Variants in NAPA observed in about 807,000 individuals in gnomAD.
The protein encoded by NAPA is alpha-soluble NSF attachment protein.
NAPA carries 18 observed loss-of-function variants against 48.0 expected under a neutral mutation model. The ratio of observed to expected loss-of-function variants is 0.38; its 90% CI spans 0.26 to 0.56. NAPA has a LOEUF of 0.56. Ranked by LOEUF, NAPA falls within the 20% of genes least tolerant of loss-of-function variation. NAPA has a pLI of 0.77. For missense variants in NAPA, 315 were observed against 385.0 expected (o/e 0.82, Z 1.52); for synonymous variants, 152 against 149.9 (o/e 1.01, Z -0.10).
intron 3 of NAPA, among the ~76,000 whole-genome samples, chr19:47,500,131 T>G (rs1030408713): frequency 6.6e-6 from 1 of 152,218 alleles, no homozygotes; most frequent in Non-Finnish European, 1.5e-5. Flanking sequence ...TAATTTGTTC[T>G]CTGGCAACTA....
At chr19:47,499,714 G>A (rs899659930) in intron 3 of NAPA, among the ~76,000 whole-genome samples, 3 of 152,224 alleles carry the variant, frequency 2.0e-5, no homozygotes, top group Non-Finnish European at 4.4e-5. Flanking sequence ...GTCAGATCAC[G>A]ACAAAGGGGT....
intron 1 of NAPA, among the ~76,000 whole-genome samples, chr19:47,514,566 C>T (rs1167708682): frequency 6.6e-6 from 1 of 152,154 alleles, no homozygotes; most frequent in Non-Finnish European, 1.5e-5. Flanking sequence ...CCTGGGTCCC[C>T]TTCCTCGCCT....
intron 7 of NAPA, chr19:47,492,321 G>A (rs1003133411): frequency 3.6e-6 from 2 of 561,320 alleles, no homozygotes; most frequent in Non-Finnish European, 6.4e-6. Flanking sequence ...AGATCAGGGT[G>A]TGATGGTGGC....
chr19:47,495,843 G>A, intron 3 of NAPA: 2 of 531,376 alleles, frequency 3.8e-6, no homozygotes, highest in Non-Finnish European at 6.8e-6. Flanking sequence ...GCTTCTGGGG[G>A]AGCCCTTCTC....
In NAPA at chr19:47,488,078, G is replaced by T; in HGVS notation, c.*210C>A. 1 of 531,418 alleles carries T rather than the reference G, an allele frequency of 1.9e-6. No individual in the cohort carries two copies. The highest frequency in any genetic ancestry group is 3.4e-6 in the Non-Finnish European group (1 of 293,004). 32.9% of individuals were successfully genotyped at this position (531,418 alleles called of 1,614,324 possible). On this transcript the variant is annotated 3_prime_UTR_variant, in exon 11 of 11. Coordinates refer to ENST00000263354, the MANE Select transcript of NAPA (RefSeq NM_003827.4). ...GGGGGCTTAAATAAATGGACAGGGGGCAAGGGATGTAGCGAGAACAGAGGG... is the reference window on the plus strand; with the variant it reads ...GGGGGCTTAAATAAATGGACAGGGGTCAAGGGATGTAGCGAGAACAGAGGG...
intron 2 of NAPA, 113 bp downstream of exon 2, chr19:47,503,310 A>G: frequency 1.1e-6 from 1 of 929,762 alleles, no homozygotes; most frequent in Non-Finnish European, 1.8e-6. Context: ...GATGCCGGAG[A>G]GGGCATACAA....
intron 10 of NAPA, chr19:47,489,011 C>CG (rs1311883987): frequency 6.6e-6 from 1 of 152,422 alleles, no homozygotes; most frequent in Non-Finnish European, 1.5e-5. Context: ...CCATGGGACA[C>CG]GGGGGAGAGA....
intron 1 of NAPA, 82 bp downstream of exon 1, chr19:47,514,761 G>T: frequency 7.4e-7 from 1 of 1,359,130 alleles, no homozygotes; most frequent in Non-Finnish European, 1.0e-6. Context: ...CGAGCTCTGC[G>T]TGCCCTAACC....
rs1056472747 is a variant in NAPA at position 47,506,196 on chromosome 19, C to A, written c.99-2694G>T. On this transcript the variant is annotated intron_variant, in intron 1 of 10. Coordinates refer to ENST00000263354, the MANE Select transcript of NAPA (RefSeq NM_003827.4). This position sits in a 1 kb window ranked among gnomAD's most constrained non-coding sequence, Gnocchi z 4.0. ...TATTATTAGTAGAGACAGGGTTTCACCACGTTGGCCAGGCTGGTCTCGAAC... is the reference window on the plus strand; with the variant it reads ...TATTATTAGTAGAGACAGGGTTTCAACACGTTGGCCAGGCTGGTCTCGAAC... Among the ~76,000 whole-genome samples, 3 of 152,038 alleles carry A rather than the reference C, an allele frequency of 2.0e-5. No individual in the cohort carries two copies. Among genetic ancestry groups the A allele is most frequent in the African/African-American group, 7.2e-5 (3 of 41,408 alleles).
At chr19:47,500,417 A>AG (rs955388854) in intron 3 of NAPA, among the ~76,000 whole-genome samples, 1 of 152,142 alleles carries the variant, frequency 6.6e-6, no homozygotes, top group Non-Finnish European at 1.5e-5. Context: ...CACGGTAGAT[A>AG]GGGGGGCGGA....
rs780797286 is a variant in NAPA, at chr19:47,493,437, T to C, written c.399A>G (p.Thr133=). ...TCACCTTCTCGATGTCCACCAACTCTGTCTCATAGATCTCAGCAATGGAGA... is the reference window on the plus strand; with the variant it reads ...TCACCTTCTCGATGTCCACCAACTCCGTCTCATAGATCTCAGCAATGGAGA... The part of the protein sequence containing the change: ...HHISIAEIYE[T]ELVDIEKAIA... Residue 133 remains threonine, a synonymous_variant, in exon 5 of 11, where the codon ACA becomes ACG. Coordinates refer to ENST00000263354, the MANE Select transcript of NAPA (RefSeq NM_003827.4). The surrounding 1 kb of genome is among the most constrained non-coding windows in gnomAD (Gnocchi z 6.4). 1 of 1,614,014 alleles carries C rather than the reference T, an allele frequency of 6.2e-7. No individual in the cohort carries two copies. The highest frequency in any genetic ancestry group is 1.1e-5 in the South Asian group (1 of 91,082).
chr19:47,503,795 T>C (rs1278472112), intron 1 of NAPA, among the ~76,000 whole-genome samples: 1 of 152,204 alleles, frequency 6.6e-6, no homozygotes, highest in East Asian at 1.9e-4. Flanking sequence ...TGACAGCCTC[T>C]TCTACTTCCT....
chr19:47,491,992 C>T (rs1322533836), intron 8 of NAPA, 23 bp downstream of exon 8: 1 of 1,606,008 alleles, frequency 6.2e-7, no homozygotes, highest in Non-Finnish European at 8.5e-7. Context: ...GTGCGGTGGT[C>T]CTGCGGGCGT....
At chr19:47,510,601 A>C (rs778248128) in intron 1 of NAPA, among the ~76,000 whole-genome samples, 14 of 152,222 alleles carry the variant, frequency 9.2e-5, no homozygotes, top group Non-Finnish European at 1.9e-4. Flanking sequence ...AAGAGGAAGG[A>C]AGTTTTTATT....
chr19:47,485,239 T>G (rs572015060), downstream of NAPA, among the ~76,000 whole-genome samples: 15 of 152,232 alleles, frequency 9.9e-5, no homozygotes, highest in South Asian at 3.1e-3. Context: ...CGGACGTCCT[T>G]TGCAAATCTG....
chr19:47,490,018 T>G (rs374249032), intron 9 of NAPA, among the ~76,000 whole-genome samples: 39 of 151,476 alleles, frequency 2.6e-4, no homozygotes, highest in African/African-American at 8.7e-4. Context: ...TGTGTGTGTG[T>G]GGGTATGGGG....
At chr19:47,491,086 A>G in intron 8 of NAPA, 2 of 461,256 alleles carry the variant, frequency 4.3e-6, no homozygotes, top group Non-Finnish European at 7.8e-6. Flanking sequence ...GTGGAGGGGG[A>G]AGGTTCCCCA....
In NAPA at chr19:47,500,258, G is replaced by A. The variant is rs149906586; in HGVS notation, c.295+375C>T. Reference sequence around the variant, plus strand: ...CCTGGCTGGTCTCAGAATCCTCCCCGCCCCCCACACCGCTCCCTTCTGCAT... The same window carrying A: ...CCTGGCTGGTCTCAGAATCCTCCCCACCCCCCACACCGCTCCCTTCTGCAT... On this transcript the variant is annotated intron_variant, in intron 3 of 10. Coordinates refer to ENST00000263354, the MANE Select transcript of NAPA (RefSeq NM_003827.4). Among the ~76,000 whole-genome samples the A allele has an allele frequency of 1.5e-4, 23 of 152,146 alleles. No homozygotes were observed. The East Asian group carries it at 4.3e-3, about 28-fold the overall frequency.
intron 8 of NAPA, 70 bp from the exon 9 acceptor site, chr19:47,490,926 G>C: frequency 7.2e-7 from 1 of 1,396,154 alleles, no homozygotes. Flanking sequence ...CCTAGCAGCT[G>C]AGGGGACTTG....
Sources: allele counts gnomAD v4.1 joint callset (sites outside exome capture counted in the v4.1 genomes callset), GRCh38; gene constraint gnomAD v4.1.1; non-coding constraint Gnocchi (gnomAD v3.1); transcripts MANE v1.5; gene names NCBI Gene and HGNC (gene_info 2026-07-23, HGNC 2026-07-21).